The following DNAAF11 variants were observed in gnomAD, a reference collection of about 807,000 sequenced individuals.
DNAAF11 encodes the protein dynein axonemal assembly factor 11.
DNAAF11 carries 45 observed loss-of-function variants against 60.8 expected under a neutral mutation model. That is an observed-to-expected ratio of 0.74 (90% CI 0.58 to 0.95). The LOEUF is 0.95. Ranked by LOEUF, DNAAF11 falls within the 40% of genes least tolerant of loss-of-function variation. DNAAF11 has a pLI of 0.00. For missense variants in DNAAF11, 546 were observed against 546.2 expected, an observed-to-expected ratio of 1.00 and a Z score of 0.00; for synonymous variants, 191 against 183.5, an observed-to-expected ratio of 1.04 and a Z score of -0.33.
chr8:132,660,045 GGGCACACAGGGGTT>G (rs1250087390), intron 2 of DNAAF11, among the ~76,000 whole-genome samples: 1 of 152,180 alleles, frequency 6.6e-6, no homozygotes, highest in Non-Finnish European at 1.5e-5. Context: ...TCTCGTGCCA[GGGCACACAGGGGTT>G]GGCACTCACT....
chr8:132,691,276 G>A, the DNAAF11 span, among the ~76,000 whole-genome samples: 1 of 151,916 alleles, frequency 6.6e-6, no homozygotes, highest in Non-Finnish European at 1.5e-5. Flanking sequence ...GTTCATCTTT[G>A]ACCATTAGAA....
chr8:132,606,832 A>T (rs1818186041), intron 10 of DNAAF11, among the ~76,000 whole-genome samples: 1 of 152,226 alleles, frequency 6.6e-6, no homozygotes, highest in African/African-American at 2.4e-5. Flanking sequence ...AAAAAAGCAT[A>T]CAGAATATGA....
At chr8:132,700,606 T>G in the DNAAF11 span, among the ~76,000 whole-genome samples, 1 of 152,050 alleles carries the variant, frequency 6.6e-6, no homozygotes, top group South Asian at 2.1e-4. Flanking sequence ...GAGGATTGCT[T>G]GAGCCCAAGG....
chr8:132,587,241 T>C (rs1002034580), intron 10 of DNAAF11, among the ~76,000 whole-genome samples: 2 of 152,224 alleles, frequency 1.3e-5, no homozygotes, highest in Non-Finnish European at 2.9e-5. Context: ...CACCAGAATC[T>C]AAATGTGTTT....
chr8:132,597,423 G>A (rs375249924), intron 10 of DNAAF11, among the ~76,000 whole-genome samples: 1 of 152,176 alleles, frequency 6.6e-6, no homozygotes, highest in Non-Finnish European at 1.5e-5. Flanking sequence ...ATCAAGGTCA[G>A]CTGTGCAGGG....
chr8:132,594,066 A>T (rs1816744046), intron 10 of DNAAF11, among the ~76,000 whole-genome samples: 1 of 152,202 alleles, frequency 6.6e-6, no homozygotes, highest in Non-Finnish European at 1.5e-5. Context: ...TCTGCTTATT[A>T]TACAAATAAT....
At chr8:132,660,225 T>C (rs956461253) in intron 2 of DNAAF11, among the ~76,000 whole-genome samples, 4 of 151,230 alleles carry the variant, frequency 2.6e-5, no homozygotes, top group African/African-American at 9.8e-5. Context: ...TGAGTACTTA[T>C]CTTTTTTTTT....
chr8:132,585,620 C>A (rs1815808942), intron 10 of DNAAF11, among the ~76,000 whole-genome samples: 1 of 152,180 alleles, frequency 6.6e-6, no homozygotes, highest in African/African-American at 2.4e-5. Context: ...AAAAGCGATG[C>A]AGTCTGCACT....
At chr8:132,693,004 T>A in the DNAAF11 span, among the ~76,000 whole-genome samples, 19,663 of 152,220 alleles carry the variant, frequency 0.13, 1,358 homozygotes, top group East Asian at 0.25. Flanking sequence ...AATGGACACA[T>A]CAACAACTCT....
At chr8:132,679,059 C>A (rs569123633), upstream of DNAAF11, among the ~76,000 whole-genome samples, 453 of 140,782 alleles carry the variant, frequency 3.2e-3, 7 homozygotes, top group African/African-American at 0.014. Flanking sequence ...CTCACAGTAA[C>A]CCTCAAGCAG....
At chr8:132,681,278 G>A in the DNAAF11 span, among the ~76,000 whole-genome samples, 13 of 150,614 alleles carry the variant, frequency 8.6e-5, no homozygotes, top group African/African-American at 3.2e-4. Flanking sequence ...CCGAAGTGCT[G>A]GGATTACAGG....
intron 10 of DNAAF11, among the ~76,000 whole-genome samples, chr8:132,587,612 T>A (rs1056617857): frequency 6.6e-6 from 1 of 152,158 alleles, no homozygotes; most frequent in Non-Finnish European, 1.5e-5. Context: ...TCTTATTCAT[T>A]TGTGCTAAAT....
In DNAAF11 at chr8:132,608,404, T is replaced by G. The variant is rs1384023241; in HGVS notation, c.1140+1762A>C. The G allele has an allele frequency of 1.2e-5, 5 of 413,580 alleles. No homozygotes were observed. The East Asian group carries it at 3.5e-4, about 29-fold the overall frequency. 25.6% of individuals were successfully genotyped at this position (413,580 alleles called of 1,614,324 possible). A position where few individuals can be genotyped will look rare whatever the true frequency, so the allele number is the denominator to read the frequency against. On this transcript the variant is annotated intron_variant, in intron 10 of 11. Coordinates refer to ENST00000620350, the MANE Select transcript of DNAAF11 (RefSeq NM_012472.6). Reference sequence around the variant, plus strand: ...CATCTCCAATCAAGCACTTCTAAAATGCTTTTTCCTCATAAGCCATTTATT... The same window carrying G: ...CATCTCCAATCAAGCACTTCTAAAAGGCTTTTTCCTCATAAGCCATTTATT...
Position 132,638,050 on chromosome 8 carries a change from C to T in DNAAF11, c.314G>A (p.Ser105Asn). Residue 105 changes from serine to asparagine, a missense_variant, in exon 4 of 12, where the codon AGC becomes AAC. Transcript: ENST00000620350. Reference sequence around the variant, plus strand: ...GATATTGTGCTGCAAGTTTTTAATGCTGCTCAGCTCTCCAATGAAATTCAC... The same window carrying T: ...GATATTGTGCTGCAAGTTTTTAATGTTGCTCAGCTCTCCAATGAAATTCAC... The part of the protein sequence containing the change: ...LTVNFIGELS[S>N]IKNLQHNIHL... 2 of 1,614,160 alleles carry T rather than the reference C, an allele frequency of 1.2e-6. No homozygotes were observed. Among genetic ancestry groups the T allele is most frequent in the South Asian group, 1.1e-5 (1 of 91,086 alleles).
the DNAAF11 span, among the ~76,000 whole-genome samples, chr8:132,682,026 T>G: frequency 6.6e-6 from 1 of 152,234 alleles, no homozygotes; most frequent in African/African-American, 2.4e-5. Context: ...TAGTAAGTGC[T>G]TGATACATCT....
the DNAAF11 span, among the ~76,000 whole-genome samples, chr8:132,696,468 T>C: frequency 6.6e-6 from 1 of 152,106 alleles, no homozygotes; most frequent in Non-Finnish European, 1.5e-5. Context: ...GTATGTGAAT[T>C]TCATAGCAGC....
At chr8:132,681,399 C>T in the DNAAF11 span, among the ~76,000 whole-genome samples, 2 of 149,158 alleles carry the variant, frequency 1.3e-5, no homozygotes, top group African/African-American at 5.0e-5. Context: ...CTCCATCTTA[C>T]AGATAAAGAA....
chr8:132,657,492 G>A (rs929625606), intron 2 of DNAAF11, among the ~76,000 whole-genome samples: 6 of 152,170 alleles, frequency 3.9e-5, no homozygotes, highest in African/African-American at 1.4e-4. Context: ...ACTGACTCTG[G>A]AGTCTGCTCT....
chr8:132,596,666 G>A (rs967046042), intron 10 of DNAAF11, among the ~76,000 whole-genome samples: 6 of 152,172 alleles, frequency 3.9e-5, no homozygotes, highest in Non-Finnish European at 7.3e-5. Context: ...CAGTAGTGGT[G>A]TTCACAGTAG....
Sources: allele counts gnomAD v4.1 joint callset (sites outside exome capture counted in the v4.1 genomes callset), GRCh38; gene constraint gnomAD v4.1.1; transcripts MANE v1.5; gene names NCBI Gene and HGNC (gene_info 2026-07-23, HGNC 2026-07-21).